PPFIA2: variants seen among roughly 807,000 people sequenced by gnomAD.
The protein encoded by PPFIA2 is liprin-alpha-2.
PPFIA2 carries 46 observed loss-of-function variants against 175.5 expected under a neutral mutation model. The ratio of observed to expected loss-of-function variants is 0.26; its 90% CI spans 0.21 to 0.34. PPFIA2 has a LOEUF of 0.34. Among genes scored for constraint, PPFIA2 ranks in the 10% least tolerant of loss-of-function variants. The pLI, the probability that PPFIA2 is intolerant of heterozygous loss-of-function variation, is 1.00. For missense variants in PPFIA2, 1,179 were observed against 1,506.1 expected (o/e 0.78, Z 3.60); for synonymous variants, 568 against 511.4 (o/e 1.11, Z -1.49).
At chr12:81,607,129 T>C (rs1473593304) in intron 4 of PPFIA2, among the ~76,000 whole-genome samples, 1 of 152,020 alleles carries the variant, frequency 6.6e-6, no homozygotes, top group East Asian at 1.9e-4. Flanking sequence ...TTGTAGGTGG[T>C]ATCTTTATTT....
chr12:81,312,178 A>G (rs2051096113), intron 22 of PPFIA2: 4 of 1,534,264 alleles, frequency 2.6e-6, no homozygotes, highest in Non-Finnish European at 3.5e-6. Context: ...GCTTTTCATG[A>G]GATGGAGAAG....
intron 22 of PPFIA2, among the ~76,000 whole-genome samples, chr12:81,311,732 CA>C (rs1050904857): frequency 0.013 from 639 of 48,368 alleles, 3 homozygotes; most frequent in East Asian, 0.098. Context: ...GACTCTGTCT[CA>C]AAAAAAAAAA....
intron 4 of PPFIA2, among the ~76,000 whole-genome samples, chr12:81,664,177 A>G (rs2069593362): frequency 6.6e-6 from 1 of 152,236 alleles, no homozygotes; most frequent in Admixed American, 6.5e-5. Flanking sequence ...AAAGAAGCCA[A>G]AATTGGCAAA....
At chr12:81,399,058 T>G (rs556804089) in intron 8 of PPFIA2, among the ~76,000 whole-genome samples, 1 of 151,898 alleles carries the variant, frequency 6.6e-6, no homozygotes, top group African/African-American at 2.4e-5. Context: ...AAAAATACAA[T>G]TAGATCAACT....
At chr12:81,504,418 G>A (rs1010641805) in intron 4 of PPFIA2, among the ~76,000 whole-genome samples, 2 of 152,100 alleles carry the variant, frequency 1.3e-5, no homozygotes, top group African/African-American at 4.8e-5. Context: ...GGTCATTAGA[G>A]AAATGCAAAT....
At chr12:81,297,018 C>T (rs966499387) in intron 23 of PPFIA2, among the ~76,000 whole-genome samples, 3 of 152,222 alleles carry the variant, frequency 2.0e-5, no homozygotes, top group Non-Finnish European at 4.4e-5. Context: ...CTCCCGCTGT[C>T]TCTTTCCCTC....
At chr12:81,471,908 C>G (rs920163628) in intron 4 of PPFIA2, among the ~76,000 whole-genome samples, 2 of 152,108 alleles carry the variant, frequency 1.3e-5, no homozygotes, top group Non-Finnish European at 2.9e-5. Context: ...ACCTGAATTC[C>G]ATTGTGGTGA....
At chr12:81,394,704 T>C (rs1204497482) in intron 8 of PPFIA2, among the ~76,000 whole-genome samples, 1 of 151,728 alleles carries the variant, frequency 6.6e-6, no homozygotes, top group African/African-American at 2.4e-5. Context: ...ACCTAATGCA[T>C]GTGGGGCTTA....
chr12:81,372,764 G>C (rs1156509988), intron 11 of PPFIA2, among the ~76,000 whole-genome samples: 1 of 151,538 alleles, frequency 6.6e-6, no homozygotes, highest in Admixed American at 6.6e-5. Flanking sequence ...ATATGTTGTT[G>C]ACAAAGCACC....
intron 4 of PPFIA2, among the ~76,000 whole-genome samples, chr12:81,494,372 T>A (rs539245683): frequency 2.6e-5 from 4 of 152,058 alleles, no homozygotes; most frequent in African/African-American, 9.7e-5. Context: ...ATCAGAGAAA[T>A]GCAAATCAAA....
chr12:81,372,847 T>C (rs922709904), intron 11 of PPFIA2, among the ~76,000 whole-genome samples: 3 of 151,738 alleles, frequency 2.0e-5, no homozygotes, highest in Admixed American at 1.3e-4. Context: ...ATTCCAATTT[T>C]CTGAAAAATG....
intron 4 of PPFIA2, among the ~76,000 whole-genome samples, chr12:81,518,577 T>C (rs1043274369): frequency 1.3e-5 from 2 of 152,160 alleles, no homozygotes; most frequent in African/African-American, 4.8e-5. Flanking sequence ...CATTTAGCTA[T>C]TCATCTTAGA....
intron 18 of PPFIA2, among the ~76,000 whole-genome samples, chr12:81,346,309 C>T (rs547252860): frequency 6.6e-6 from 1 of 151,934 alleles, no homozygotes; most frequent in African/African-American, 2.4e-5. Flanking sequence ...CATTTATTAG[C>T]TGTGTTGAAT....
chr12:81,699,566 GCTT>G (rs1195089024), intron 3 of PPFIA2, among the ~76,000 whole-genome samples: 1 of 151,282 alleles, frequency 6.6e-6, no homozygotes, highest in East Asian at 1.9e-4. Context: ...AAAAAAAATA[GCTT>G]CTTTCTTGAC....
At chr12:81,756,324 C>A (rs1375938952) in intron 2 of PPFIA2, among the ~76,000 whole-genome samples, 1 of 152,002 alleles carries the variant, frequency 6.6e-6, no homozygotes, top group Admixed American at 6.5e-5. Flanking sequence ...CCCTTTCCAC[C>A]CTGAATCACT....
chr12:81,376,192 A>G (rs2036316733), intron 9 of PPFIA2, among the ~76,000 whole-genome samples: 1 of 152,128 alleles, frequency 6.6e-6, no homozygotes, highest in Admixed American at 6.6e-5. Context: ...AGCTTTTGAA[A>G]CTCTCTACTG....
At chr12:81,662,423 C>T (rs2069094943) in intron 4 of PPFIA2, among the ~76,000 whole-genome samples, 1 of 152,104 alleles carries the variant, frequency 6.6e-6, no homozygotes. Context: ...CTATAAACAC[C>T]TCTATGCAAA....
chr12:81,507,355 T>A (rs1340840264), intron 4 of PPFIA2, among the ~76,000 whole-genome samples: 1 of 152,186 alleles, frequency 6.6e-6, no homozygotes, highest in African/African-American at 2.4e-5. Context: ...AAAGCAGTAT[T>A]TTTTTCAATC....
intron 3 of PPFIA2, among the ~76,000 whole-genome samples, chr12:81,699,822 A>G (rs576053030): frequency 1.3e-5 from 2 of 152,072 alleles, no homozygotes; most frequent in Non-Finnish European, 2.9e-5. Flanking sequence ...TAAAAGAGTA[A>G]TACACATTTA....
Sources: gnomAD v4.1 joint callset for allele counts (sites outside exome capture counted in the v4.1 genomes callset) on GRCh38, gnomAD v4.1.1 for gene constraint, MANE v1.5 for transcripts, NCBI Gene and HGNC (gene_info 2026-07-23, HGNC 2026-07-21) for gene names.